The following IFT80 variants were observed in gnomAD, a reference collection of about 807,000 sequenced individuals.
The protein encoded by IFT80 is intraflagellar transport protein 80 homolog.
A neutral mutation model predicts 107.9 loss-of-function variants in IFT80; 79 were observed. That is an observed-to-expected ratio of 0.73 (90% CI 0.61 to 0.88). The LOEUF is 0.88. Among genes scored for constraint, IFT80 ranks in the 40% least tolerant of loss-of-function variants. IFT80 has a pLI of 0.00. For synonymous variants in IFT80, 299 were observed against 300.9 expected (o/e 0.99, Z 0.07); for missense variants, 797 against 914.2 (o/e 0.87, Z 1.65).
intron 1 of IFT80, among the ~76,000 whole-genome samples, chr3:160,390,767 A>T (rs1338446932): frequency 6.6e-6 from 1 of 152,224 alleles, no homozygotes; most frequent in Admixed American, 6.5e-5. Flanking sequence ...TACTGAAACC[A>T]ACAGTGGCTA....
chr3:160,304,253 G>A (rs1485839267), intron 10 of IFT80, among the ~76,000 whole-genome samples: 2 of 152,066 alleles, frequency 1.3e-5, no homozygotes, highest in East Asian at 1.9e-4. Flanking sequence ...TACAACATGC[G>A]AACTGAGGAA....
Position 160,370,243 on chromosome 3 carries a change from A to C in IFT80, c.440-4091T>G, listed in dbSNP as rs73021711. On this transcript the variant is annotated intron_variant, in intron 5 of 19. Coordinates refer to ENST00000326448, the MANE Select transcript of IFT80 (RefSeq NM_020800.3). ...TTTGCCTTGAATGCAGTATCGGTCTATATTGAGTGAATAGAAGTAAAGTAC... is the reference window on the plus strand; with the variant it reads ...TTTGCCTTGAATGCAGTATCGGTCTCTATTGAGTGAATAGAAGTAAAGTAC... Among the ~76,000 whole-genome samples the C allele has an allele frequency of 6.8e-3, 1,033 of 152,292 alleles. 16 individuals are homozygous for C. Among genetic ancestry groups the C allele is most frequent in the African/African-American group, 0.024 (987 of 41,576 alleles).
At chr3:160,274,906 C>T (rs1344705976) in intron 18 of IFT80, among the ~76,000 whole-genome samples, 2 of 152,140 alleles carry the variant, frequency 1.3e-5, no homozygotes, top group South Asian at 2.1e-4. Flanking sequence ...GATGACAGAG[C>T]GAGACTCCGT....
chr3:160,357,489 C>G lies in IFT80; in HGVS notation c.639G>C (p.Lys213Asn), dbSNP rs752477929. The G allele has an allele frequency of 6.9e-7, 1 of 1,439,684 alleles. No homozygotes were observed. Among genetic ancestry groups the G allele is most frequent in the Non-Finnish European group, 9.8e-7 (1 of 1,023,410 alleles). 89.2% of individuals were successfully genotyped at this position (1,439,684 alleles called of 1,614,324 possible). ...ILSAGEDCKY[K>N]VWDSYGRPLY... ...AGTGATAAATCTAAACATTATATAC[C>G]TTATATTTACAGTCTTCACCAGCAG... Residue 213 changes from lysine (K) to asparagine (N), a missense_variant and splice_region_variant, in exon 7 of 20, where the codon AAG (lysine) becomes AAC (asparagine). Lys to Asn is a moderately conservative substitution (Grantham distance 94, BLOSUM62 0). Coordinates refer to ENST00000326448, the MANE Select transcript of IFT80 (RefSeq NM_020800.3).
At chr3:160,383,338 G>T (rs547639332) in intron 2 of IFT80, 14 of 478,562 alleles carry the variant, frequency 2.9e-5, no homozygotes, top group Non-Finnish European at 3.8e-5. Flanking sequence ...CATTTTTTTT[G>T]AAAAGACAGT....
intron 8 of IFT80, among the ~76,000 whole-genome samples, chr3:160,331,223 G>T (rs1466067372): frequency 6.6e-6 from 1 of 152,136 alleles, no homozygotes; most frequent in Non-Finnish European, 1.5e-5. Context: ...TGTGACAGTT[G>T]ATCTGATAAC....
chr3:160,322,437 G>A (rs1469776956), intron 8 of IFT80, among the ~76,000 whole-genome samples: 1 of 151,834 alleles, frequency 6.6e-6, no homozygotes, highest in Non-Finnish European at 1.5e-5. Context: ...GTCTATCATT[G>A]TTGGACATTT....
chr3:160,337,015 T>C (rs1214363605), intron 8 of IFT80, among the ~76,000 whole-genome samples: 2 of 152,220 alleles, frequency 1.3e-5, no homozygotes, highest in Non-Finnish European at 2.9e-5. Flanking sequence ...AATAACCCTT[T>C]TATTACCAAT....
chr3:160,361,366 A>T (rs1721480055), intron 6 of IFT80, among the ~76,000 whole-genome samples: 7 of 152,192 alleles, frequency 4.6e-5, no homozygotes. Context: ...GAGCACCCAG[A>T]TTCATAAAGC....
intron 8 of IFT80, among the ~76,000 whole-genome samples, chr3:160,339,936 T>C (rs539726495): frequency 6.6e-6 from 1 of 152,194 alleles, no homozygotes; most frequent in African/African-American, 2.4e-5. Context: ...ATTTGGTTTT[T>C]AGCTGTGGGC....
At chr3:160,390,506 A>G (rs566114202) in intron 1 of IFT80, among the ~76,000 whole-genome samples, 8 of 152,344 alleles carry the variant, frequency 5.3e-5, no homozygotes, top group Admixed American at 2.0e-4. Flanking sequence ...GGGATCATTC[A>G]GAATAAAAGT....
At chr3:160,320,797 A>G (rs1437167224) in intron 8 of IFT80, among the ~76,000 whole-genome samples, 1 of 151,644 alleles carries the variant, frequency 6.6e-6, no homozygotes, top group Non-Finnish European at 1.5e-5. Context: ...TTTGTTTTAC[A>G]TTATTTTTTT....
At chr3:160,390,417 C>CAAAAAAA (rs1289410578) in intron 1 of IFT80, among the ~76,000 whole-genome samples, 32 of 108,302 alleles carry the variant, frequency 3.0e-4, no homozygotes, top group African/African-American at 9.7e-4. Flanking sequence ...AATTCCGTCT[C>CAAAAAAA]AAAAAAAAAA....
chr3:160,348,734 G>A (rs144706775), intron 8 of IFT80, among the ~76,000 whole-genome samples: 190 of 152,292 alleles, frequency 1.2e-3, no homozygotes, highest in Non-Finnish European at 2.2e-3. Flanking sequence ...ATAAACATGT[G>A]ATGAAATATT....
intron 8 of IFT80, among the ~76,000 whole-genome samples, chr3:160,351,086 A>G (rs1261102372): frequency 6.6e-6 from 1 of 151,948 alleles, no homozygotes; most frequent in African/African-American, 2.4e-5. Flanking sequence ...AAAATCACCT[A>G]TCACCACTTA....
chr3:160,308,013 T>C (rs528981487), intron 9 of IFT80, among the ~76,000 whole-genome samples: 1 of 152,198 alleles, frequency 6.6e-6, no homozygotes, highest in Non-Finnish European at 1.5e-5. Flanking sequence ...AAAGACCTAC[T>C]GAGATTTCTA....
chr3:160,366,869 C>CT (rs1040797623), intron 5 of IFT80, among the ~76,000 whole-genome samples: 4 of 151,718 alleles, frequency 2.6e-5, no homozygotes, highest in African/African-American at 9.7e-5. Context: ...AGGCCTTATT[C>CT]ATTCATTCAT....
intron 6 of IFT80, among the ~76,000 whole-genome samples, chr3:160,358,421 G>A (rs1244298851): frequency 6.6e-6 from 1 of 151,876 alleles, no homozygotes; most frequent in Non-Finnish European, 1.5e-5. Context: ...ATCTTCATGT[G>A]TCTGGTTTAC....
Position 160,303,893 on chromosome 3 carries a change from G to A in IFT80, c.1151+22C>T, listed in dbSNP as rs4680576. The A allele has an allele frequency of 0.51, 758,510 of 1,474,358 alleles. 198,980 individuals carry two copies. Among genetic ancestry groups the A allele is most frequent in the African/African-American group, 0.57 (40,696 of 71,962 alleles). The allele number at this position is 1,474,358 out of a possible 1,614,324, so 91.3% of individuals were successfully genotyped here. On this transcript the variant is annotated intron_variant, in intron 11 of 19. Coordinates refer to ENST00000326448, the MANE Select transcript of IFT80 (RefSeq NM_020800.3). Reference sequence around the variant, plus strand: ...GCTATTTATTTTAACCCCAGATCCAGTAGTTAAACATAATAAATTACCTTT... The same window carrying A: ...GCTATTTATTTTAACCCCAGATCCAATAGTTAAACATAATAAATTACCTTT...
Sources: allele counts gnomAD v4.1 joint callset (sites outside exome capture counted in the v4.1 genomes callset), GRCh38; gene constraint gnomAD v4.1.1; transcripts MANE v1.5; gene names NCBI Gene and HGNC (gene_info 2026-07-23, HGNC 2026-07-21).